ST6GALNAC3: variants seen among roughly 807,000 people sequenced by gnomAD.
ST6GALNAC3 encodes the protein ST6 N-acetylgalactosaminide alpha-2,6-sialyltransferase 3.
Under a neutral mutation model 32.7 loss-of-function variants are expected in ST6GALNAC3, and 25 were observed. The ratio of observed to expected loss-of-function variants is 0.76; its 90% CI spans 0.56 to 1.07. The LOEUF is 1.07. Ranked by LOEUF, ST6GALNAC3 falls within the 50% of genes least tolerant of loss-of-function variation. The pLI, the probability that ST6GALNAC3 is intolerant of heterozygous loss-of-function variation, is 0.00. For synonymous variants in ST6GALNAC3, 129 were observed against 133.1 expected (o/e 0.97, Z 0.21); for missense variants, 355 against 382.4 (o/e 0.93, Z 0.60).
chr1:76,351,318 G>T (rs1260335495), intron 2 of ST6GALNAC3, among the ~76,000 whole-genome samples: 1 of 151,982 alleles, frequency 6.6e-6, no homozygotes, highest in African/African-American at 2.4e-5. Context: ...TATCCTTTTG[G>T]AAATATTTCA....
chr1:76,135,680 AG>A (rs1212411843), intron 1 of ST6GALNAC3, among the ~76,000 whole-genome samples: 5 of 152,176 alleles, frequency 3.3e-5, no homozygotes, highest in Non-Finnish European at 5.9e-5. Context: ...ACATCAGGTG[AG>A]GGGCCCCATA....
intron 2 of ST6GALNAC3, among the ~76,000 whole-genome samples, chr1:76,328,450 A>C (rs916034405): frequency 6.6e-6 from 1 of 152,172 alleles, no homozygotes. Flanking sequence ...AACAGCCACA[A>C]CACCACCATT....
In ST6GALNAC3 at chr1:76,341,682, C is replaced by CTTCT. The variant is rs1281081058; in HGVS notation, c.213+27703_213+27706dup. ...CTTTCTTTCTTTCTTTCTTTCTTTC[C>CTTCT]TTCTTTCTTTCTTTCTTTCTTTCCT... On this transcript the variant is annotated intron_variant, in intron 2 of 4. Coordinates refer to ENST00000328299, the MANE Select transcript of ST6GALNAC3 (RefSeq NM_152996.4). 4.8e-3 allele frequency among the ~76,000 whole-genome samples: 172 copies of CTTCT among 36,008 alleles called. 4 individuals are homozygous for CTTCT. The highest frequency in any genetic ancestry group is 0.012 in the African/African-American group (120 of 10,242). The allele number at this position is 36,008 out of a possible 152,430, so 23.6% of individuals were successfully genotyped here.
At chr1:76,097,731 C>T (rs1471248289) in intron 1 of ST6GALNAC3, among the ~76,000 whole-genome samples, 3 of 150,218 alleles carry the variant, frequency 2.0e-5, no homozygotes, top group Admixed American at 1.3e-4. Context: ...CACTATTTAT[C>T]TATCCATTTG....
chr1:76,127,879 G>C (rs1027190307), intron 1 of ST6GALNAC3, among the ~76,000 whole-genome samples: 1 of 152,134 alleles, frequency 6.6e-6, no homozygotes, highest in African/African-American at 2.4e-5. Flanking sequence ...CATTAGAATA[G>C]CATCTGCAGT....
At chr1:76,291,492 T>C (rs183868928) in intron 1 of ST6GALNAC3, among the ~76,000 whole-genome samples, 5 of 152,320 alleles carry the variant, frequency 3.3e-5, no homozygotes, top group African/African-American at 9.6e-5. Context: ...CATCCAAGTA[T>C]GTTACAATCA....
intron 1 of ST6GALNAC3, among the ~76,000 whole-genome samples, chr1:76,270,002 G>A (rs575483435): frequency 6.6e-6 from 1 of 152,180 alleles, no homozygotes; most frequent in Non-Finnish European, 1.5e-5. Flanking sequence ...AGAGCCTCAT[G>A]CAGAGCTGTT....
At chr1:76,123,628 G>A (rs1441870350) in intron 1 of ST6GALNAC3, among the ~76,000 whole-genome samples, 1 of 151,198 alleles carries the variant, frequency 6.6e-6, no homozygotes, top group African/African-American at 2.4e-5. Context: ...GAAGGAAGGA[G>A]TAAATATTTT....
intron 1 of ST6GALNAC3, among the ~76,000 whole-genome samples, chr1:76,298,061 G>A (rs1023367047): frequency 5.3e-5 from 8 of 151,982 alleles, no homozygotes; most frequent in African/African-American, 1.2e-4. Flanking sequence ...TAAAGTATAG[G>A]GTACAAGTTT....
At chr1:76,110,793 G>T (rs1647876694) in intron 1 of ST6GALNAC3, among the ~76,000 whole-genome samples, 1 of 152,192 alleles carries the variant, frequency 6.6e-6, no homozygotes, top group Non-Finnish European at 1.5e-5. Flanking sequence ...GTTTCCTTAG[G>T]GGGAGAATTG....
chr1:76,272,241 G>A (rs1027715083), intron 1 of ST6GALNAC3, among the ~76,000 whole-genome samples: 1 of 148,280 alleles, frequency 6.7e-6, no homozygotes, highest in Non-Finnish European at 1.5e-5. Context: ...CAGGAGAATC[G>A]CTTGAACCCA....
rs1180456019 is a variant in ST6GALNAC3 at position 76,599,717 on chromosome 1, C to CTTGT, written c.624-27735_624-27734insTTGT. 5.2e-3 allele frequency among the ~76,000 whole-genome samples: 739 copies of CTTGT among 142,098 alleles called. 10 individuals are homozygous for CTTGT. The highest frequency in any genetic ancestry group is 0.015 in the African/African-American group (586 of 38,840). 93.2% of individuals were successfully genotyped at this position (142,098 alleles called of 152,430 possible). A position where few individuals can be genotyped will look rare whatever the true frequency, so the allele number is the denominator to read the frequency against. On this transcript the variant is annotated intron_variant, in intron 3 of 4. Coordinates refer to ENST00000328299, the MANE Select transcript of ST6GALNAC3 (RefSeq NM_152996.4). ...TATTTTATTCCTCCCACTACCGTAT[C>CTTGT]GTGTGTGTGTGTGTGTGTGTGTGTG...
intron 3 of ST6GALNAC3, among the ~76,000 whole-genome samples, chr1:76,589,998 C>G (rs543506445): frequency 6.6e-6 from 1 of 152,024 alleles, no homozygotes; most frequent in African/African-American, 2.4e-5. Context: ...GCTAAGTATC[C>G]TACAAACTGG....
At chr1:76,212,395 G>A (rs1655216851) in intron 1 of ST6GALNAC3, among the ~76,000 whole-genome samples, 1 of 152,202 alleles carries the variant, frequency 6.6e-6, no homozygotes, top group East Asian at 1.9e-4. Context: ...GCAGGCTGGG[G>A]CCCCCAGCCT....
chr1:76,630,707 C>T lies in ST6GALNAC3; in HGVS notation c.*1901C>T. On this transcript the variant is annotated 3_prime_UTR_variant, in exon 5 of 5. Coordinates refer to ENST00000328299, the MANE Select transcript of ST6GALNAC3 (RefSeq NM_152996.4). ...CTACTCTCTTCTGCAATTTTGACAC[C>T]TCAATATTCACACCCATAAACATTA... is the stretch of plus-strand genomic sequence containing the variant. The T allele has an allele frequency of 1.0e-6, 1 of 985,566 alleles. No homozygotes were observed. The allele number at this position is 985,566 out of a possible 1,614,324, so 61.1% of individuals were successfully genotyped here. A position where few individuals can be genotyped will look rare whatever the true frequency, so the allele number is the denominator to read the frequency against.
At chr1:76,202,113 G>A (rs750446689) in intron 1 of ST6GALNAC3, among the ~76,000 whole-genome samples, 5 of 151,972 alleles carry the variant, frequency 3.3e-5, no homozygotes, top group Admixed American at 6.6e-5. Flanking sequence ...GGCTACAATC[G>A]GAAGGGTGGC....
chr1:76,322,824 A>G (rs1272167433), intron 2 of ST6GALNAC3, among the ~76,000 whole-genome samples: 2 of 147,912 alleles, frequency 1.4e-5, no homozygotes, highest in African/African-American at 5.0e-5. Context: ...TTTGCCAAGT[A>G]TTTAATAAAT....
At chr1:76,491,736 C>T (rs1403395904) in intron 3 of ST6GALNAC3, among the ~76,000 whole-genome samples, 1 of 152,174 alleles carries the variant, frequency 6.6e-6, no homozygotes, top group Non-Finnish European at 1.5e-5. Context: ...GTCAGAATCT[C>T]TTTCACTAGT....
chr1:76,545,626 C>T (rs563730795), intron 3 of ST6GALNAC3, among the ~76,000 whole-genome samples: 1 of 151,744 alleles, frequency 6.6e-6, no homozygotes, highest in Non-Finnish European at 1.5e-5. Flanking sequence ...ACATTAACTG[C>T]AACTTAGAAG....
Sources: allele counts gnomAD v4.1 joint callset (sites outside exome capture counted in the v4.1 genomes callset), GRCh38; gene constraint gnomAD v4.1.1; transcripts MANE v1.5; gene names NCBI Gene and HGNC (gene_info 2026-07-23, HGNC 2026-07-21).